The following C13orf46 variants were observed in gnomAD, a reference collection of about 807,000 sequenced individuals.
The protein encoded by C13orf46 is uncharacterized protein C13orf46.
the C13orf46 span, among the ~76,000 whole-genome samples, chr13:113,945,575 A>AAGAAAGAG: frequency 5.2e-3 from 462 of 89,066 alleles, 15 homozygotes; most frequent in African/African-American, 0.015. Flanking sequence ...GAAAGAAAGA[A>AAGAAAGAG]AGAGAGAGAG....
the C13orf46 span, among the ~76,000 whole-genome samples, chr13:113,943,111 C>T: frequency 7.2e-5 from 11 of 152,120 alleles, no homozygotes; most frequent in Admixed American, 6.5e-4. Context: ...AGCTCCGGGC[C>T]GGGGTCAGAC....
the C13orf46 span, among the ~76,000 whole-genome samples, chr13:113,939,856 T>C: frequency 1.3e-5 from 2 of 152,228 alleles, no homozygotes; most frequent in African/African-American, 4.8e-5. Context: ...GATCATCCCA[T>C]GTGCTTCTAA....
the C13orf46 span, chr13:113,927,915 C>T: frequency 2.4e-5 from 7 of 297,832 alleles, no homozygotes; most frequent in East Asian, 1.0e-4. Flanking sequence ...CCCCAGGCGA[C>T]GTGAGGGGTG....
chr13:113,929,308 G>C, the C13orf46 span, among the ~76,000 whole-genome samples: 1 of 152,250 alleles, frequency 6.6e-6, no homozygotes, highest in African/African-American at 2.4e-5. Context: ...TGCAGAGCAG[G>C]TGGTGGTGGC....
chr13:113,960,285 T>C (rs2052577093), intron 6 of C13orf46, among the ~76,000 whole-genome samples: 1 of 152,098 alleles, frequency 6.6e-6, no homozygotes, highest in South Asian at 2.1e-4. Flanking sequence ...TGATATTAAA[T>C]ATACATTAAT....
chr13:113,957,888 T>C (rs2052553508), intron 6 of C13orf46, among the ~76,000 whole-genome samples: 1 of 140,520 alleles, frequency 7.1e-6, no homozygotes, highest in Non-Finnish European at 1.5e-5. Flanking sequence ...GCACTCCATA[T>C]GCACCCCCTT....
At chr13:113,931,506 G>C in the C13orf46 span, among the ~76,000 whole-genome samples, 1 of 152,198 alleles carries the variant, frequency 6.6e-6, no homozygotes, top group African/African-American at 2.4e-5. Flanking sequence ...GAGGCCCTCG[G>C]GCTGGTGGGG....
chr13:113,968,169 T>G (rs889256335), intron 4 of C13orf46, among the ~76,000 whole-genome samples: 4 of 152,190 alleles, frequency 2.6e-5, no homozygotes, highest in African/African-American at 9.7e-5. Flanking sequence ...CCTGGGGCTC[T>G]GGGTGTTTTC....
At chr13:113,942,364 TGAC>T in the C13orf46 span, among the ~76,000 whole-genome samples, 9 of 152,320 alleles carry the variant, frequency 5.9e-5, no homozygotes, top group East Asian at 1.7e-3. Flanking sequence ...TGATTGCTGC[TGAC>T]AAGACCCCCA....
chr13:113,927,739 G>A, the C13orf46 span: 4 of 397,188 alleles, frequency 1.0e-5, no homozygotes, highest in Non-Finnish European at 1.8e-5. Context: ...GAGGCCATGT[G>A]CGGTGTCACC....
At chr13:113,951,906 G>A (rs1000486507), downstream of C13orf46, among the ~76,000 whole-genome samples, 10 of 152,320 alleles carry the variant, frequency 6.6e-5, no homozygotes, top group South Asian at 1.4e-3. Flanking sequence ...GGGCCACAGT[G>A]CAACGCGACC....
At chr13:113,964,706 A>G (rs1209932235) in intron 6 of C13orf46, among the ~76,000 whole-genome samples, 1 of 152,026 alleles carries the variant, frequency 6.6e-6, no homozygotes, top group Non-Finnish European at 1.5e-5. Flanking sequence ...GGGCATCGTG[A>G]AGCTCGTCCC....
chr13:113,949,368 G>A (rs1252815527), downstream of C13orf46, among the ~76,000 whole-genome samples: 5 of 152,340 alleles, frequency 3.3e-5, no homozygotes, highest in African/African-American at 7.2e-5. Context: ...TGGGTTGCCT[G>A]GGTACCCATG....
At chr13:113,951,553 G>A (rs1179879535), downstream of C13orf46, among the ~76,000 whole-genome samples, 2 of 152,090 alleles carry the variant, frequency 1.3e-5, no homozygotes, top group Non-Finnish European at 2.9e-5. Context: ...AGGCATAGAG[G>A]GGCCCAGCCA....
At chr13:113,973,666 G>A (rs2052733045) in intron 1 of C13orf46, 142 bp downstream of exon 1, 1 of 152,296 alleles carries the variant, frequency 6.6e-6, no homozygotes, top group Non-Finnish European at 1.5e-5. Context: ...GGACCTCCTG[G>A]GGCTGTCTCG....
At chr13:113,927,957 A>G in the C13orf46 span, 7 of 243,436 alleles carry the variant, frequency 2.9e-5, no homozygotes, top group East Asian at 5.1e-4. Flanking sequence ...TGCTCAGGCC[A>G]GTTTTCCCTG....
intron 1 of C13orf46, among the ~76,000 whole-genome samples, chr13:113,971,665 G>A (rs1003722934): frequency 2.0e-5 from 3 of 152,320 alleles, no homozygotes; most frequent in East Asian, 1.9e-4. Flanking sequence ...CCCGCATCCC[G>A]GAGGCCTCCC....
At chr13:113,963,265 G>GC (rs1263974392) in intron 6 of C13orf46, among the ~76,000 whole-genome samples, 9 of 97,070 alleles carry the variant, frequency 9.3e-5, no homozygotes, top group Admixed American at 2.3e-4. Context: ...CTCAGCCTCG[G>GC]CCCTGTCCTC....
the C13orf46 span, among the ~76,000 whole-genome samples, chr13:113,937,961 G>A: frequency 6.6e-6 from 1 of 151,910 alleles, no homozygotes; most frequent in African/African-American, 2.4e-5. Flanking sequence ...TTCTTTGTGG[G>A]CAAATCGTGA....
Sources: allele counts gnomAD v4.1 joint callset (sites outside exome capture counted in the v4.1 genomes callset), GRCh38; gene constraint gnomAD v4.1.1; transcripts MANE v1.5; gene names NCBI Gene and HGNC (gene_info 2026-07-23, HGNC 2026-07-21).